AGBL4: variants seen among roughly 807,000 people sequenced by gnomAD.
AGBL4 encodes AGBL carboxypeptidase 4, also known as cytosolic carboxypeptidase 6.
AGBL4 carries 58 observed loss-of-function variants against 66.4 expected under a neutral mutation model. The ratio of observed to expected loss-of-function variants is 0.87; its 90% CI spans 0.71 to 1.09. The LOEUF (loss-of-function observed/expected upper bound fraction) is 1.09, where lower values mean the gene tolerates loss of function less well. AGBL4 is among the 50% of genes least tolerant of loss of function. AGBL4 has a pLI of 0.00. For missense variants in AGBL4, 579 were observed against 631.0 expected (o/e 0.92, Z 0.88); for synonymous variants, 234 against 222.9 (o/e 1.05, Z -0.44).
chr1:48,929,104 G>A (rs1291483638), intron 5 of AGBL4, among the ~76,000 whole-genome samples: 1 of 152,124 alleles, frequency 6.6e-6, no homozygotes, highest in Non-Finnish European at 1.5e-5. Flanking sequence ...CCTTTGGCTG[G>A]CATGTCTCTG....
chr1:48,523,844 G>T, the AGBL4 span, among the ~76,000 whole-genome samples: 1 of 152,194 alleles, frequency 6.6e-6, no homozygotes, highest in Non-Finnish European at 1.5e-5. Context: ...GGTGTGGCCT[G>T]CTATACACCT....
chr1:49,835,664 T>C (rs987629090), intron 2 of AGBL4, among the ~76,000 whole-genome samples: 2 of 152,176 alleles, frequency 1.3e-5, no homozygotes, highest in African/African-American at 4.8e-5. Flanking sequence ...TTCTTCATAG[T>C]GTCAATGGTC....
intron 4 of AGBL4, among the ~76,000 whole-genome samples, chr1:49,181,342 C>T (rs1646927645): frequency 6.6e-6 from 1 of 152,150 alleles, no homozygotes; most frequent in Admixed American, 6.5e-5. Flanking sequence ...CTCCAGACCA[C>T]CCCCAACCTG....
chr1:49,231,615 T>C (rs1474611111), intron 4 of AGBL4, among the ~76,000 whole-genome samples: 1 of 152,188 alleles, frequency 6.6e-6, no homozygotes, highest in African/African-American at 2.4e-5. Context: ...AAGAGGCATA[T>C]ATGCAGGTGC....
intron 6 of AGBL4, among the ~76,000 whole-genome samples, chr1:48,705,004 A>G (rs1646860126): frequency 2.6e-5 from 4 of 152,170 alleles, no homozygotes; most frequent in African/African-American, 9.7e-5. Flanking sequence ...TTTCTACTAC[A>G]ATATAGCAAT....
chr1:49,378,669 G>A (rs947989372), intron 3 of AGBL4, among the ~76,000 whole-genome samples: 3 of 152,108 alleles, frequency 2.0e-5, no homozygotes, highest in African/African-American at 7.2e-5. Flanking sequence ...TTCAGACAGC[G>A]TTACAAGTCT....
intron 3 of AGBL4, among the ~76,000 whole-genome samples, chr1:49,587,545 C>T (rs1377689259): frequency 6.6e-6 from 1 of 152,094 alleles, no homozygotes; most frequent in Non-Finnish European, 1.5e-5. Flanking sequence ...ATAATACTGG[C>T]TTGAACTAAA....
chr1:48,821,924 G>A (rs764003363), intron 6 of AGBL4, among the ~76,000 whole-genome samples: 7 of 152,276 alleles, frequency 4.6e-5, no homozygotes, highest in Admixed American at 2.6e-4. Flanking sequence ...ACATTTCACA[G>A]AAGAAGATAT....
chr1:48,596,249 T>A (rs138188241), intron 9 of AGBL4, among the ~76,000 whole-genome samples: 83 of 152,272 alleles, frequency 5.5e-4, no homozygotes, highest in South Asian at 1.7e-3. Flanking sequence ...AGCTCTGAGC[T>A]GAAGGATTGT....
At chr1:49,810,711 C>T (rs889471857) in intron 2 of AGBL4, among the ~76,000 whole-genome samples, 3 of 152,100 alleles carry the variant, frequency 2.0e-5, no homozygotes, top group Admixed American at 1.3e-4. Context: ...AGGTTAAGTT[C>T]AACCTAAAGG....
chr1:49,702,873 A>C (rs1418695426), intron 2 of AGBL4, among the ~76,000 whole-genome samples: 1 of 152,148 alleles, frequency 6.6e-6, no homozygotes, highest in Non-Finnish European at 1.5e-5. Context: ...ATGCATAAAA[A>C]AAATCTGACA....
chr1:49,089,344 T>C (rs1231504049), intron 4 of AGBL4, among the ~76,000 whole-genome samples: 1 of 151,508 alleles, frequency 6.6e-6, no homozygotes. Context: ...AGAAATAAGA[T>C]TGATAGACTG....
At chr1:49,301,419 G>A (rs1287414631) in intron 3 of AGBL4, among the ~76,000 whole-genome samples, 3 of 152,190 alleles carry the variant, frequency 2.0e-5, no homozygotes. Context: ...GAAGAATTTA[G>A]TCTATAGTTT....
intron 3 of AGBL4, among the ~76,000 whole-genome samples, chr1:49,387,339 T>C (rs1237158281): frequency 1.3e-5 from 2 of 151,958 alleles, no homozygotes; most frequent in Non-Finnish European, 2.9e-5. Context: ...CCTTATGCTC[T>C]TTCTAAAAGA....
chr1:48,687,234 G>C (rs924598975), intron 6 of AGBL4, among the ~76,000 whole-genome samples: 7 of 152,130 alleles, frequency 4.6e-5, no homozygotes, highest in Admixed American at 4.6e-4. Context: ...AGAAGAGGAG[G>C]GGGCAAAGAG....
intron 2 of AGBL4, among the ~76,000 whole-genome samples, chr1:49,747,427 CATA>C (rs1364566682): frequency 6.6e-6 from 1 of 152,134 alleles, no homozygotes. Context: ...ATAAATATAA[CATA>C]AGAAATTCTG....
At chr1:49,404,023 C>T (rs962392698) in intron 3 of AGBL4, among the ~76,000 whole-genome samples, 2 of 152,098 alleles carry the variant, frequency 1.3e-5, no homozygotes, top group African/African-American at 4.8e-5. Flanking sequence ...ATGTAAAAAT[C>T]ATTTCTTGCA....
chr1:48,985,411 C>A (rs1660105145), intron 5 of AGBL4, among the ~76,000 whole-genome samples: 1 of 151,996 alleles, frequency 6.6e-6, no homozygotes, highest in African/African-American at 2.4e-5. Context: ...CTGATCAGCA[C>A]AAGTATGTGG....
intron 11 of AGBL4, among the ~76,000 whole-genome samples, chr1:48,544,248 C>T (rs1305209646): frequency 2.0e-5 from 3 of 152,164 alleles, no homozygotes; most frequent in Non-Finnish European, 2.9e-5. Context: ...GCAGTCTCAC[C>T]CAGCTTTCAC....
Sources: gnomAD v4.1 joint callset for allele counts (sites outside exome capture counted in the v4.1 genomes callset) on GRCh38, gnomAD v4.1.1 for gene constraint, MANE v1.5 for transcripts, NCBI Gene and HGNC (gene_info 2026-07-23, HGNC 2026-07-21) for gene names.